The following VAMP7 variants were observed in gnomAD, a reference collection of about 807,000 sequenced individuals.
VAMP7 encodes the protein vesicle associated membrane protein 7, also known as vesicle-associated membrane protein 7.
A neutral mutation model predicts 29.6 loss-of-function variants in VAMP7; 14 were observed. The observed-to-expected ratio is 0.47, with a 90% CI of 0.31 to 0.74. The LOEUF is 0.74. Among genes scored for constraint, VAMP7 ranks in the 30% least tolerant of loss-of-function variants. The pLI, the probability that VAMP7 is intolerant of heterozygous loss-of-function variation, is 0.05. For missense variants in VAMP7, 223 were observed against 262.4 expected (o/e 0.85, Z 1.04); for synonymous variants, 95 against 88.1 (o/e 1.08, Z -0.44).
chrX:155,892,746 A>ATTATTG (rs1402377145), intron 2 of VAMP7, among the ~76,000 whole-genome samples: 1 of 150,134 alleles, frequency 6.7e-6, no homozygotes, highest in African/African-American at 2.5e-5. Flanking sequence ...ACACTGTATT[A>ATTATTG]TTATTATTAT....
At chrX:155,931,866 T>C (rs1409719173) in intron 6 of VAMP7, among the ~76,000 whole-genome samples, 1 of 152,194 alleles carries the variant, frequency 6.6e-6, no homozygotes, top group African/African-American at 2.4e-5. Context: ...CTTTAATCCA[T>C]CTTGAATTAA....
chrX:155,898,183 A>G lies in VAMP7; in HGVS notation c.276A>G (p.Ser92=), dbSNP rs763418435. The G allele has an allele frequency of 6.2e-7, 1 of 1,613,644 alleles. No homozygotes were observed. Among genetic ancestry groups the G allele is most frequent in the Non-Finnish European group, 8.5e-7 (1 of 1,179,648 alleles). The change falls in exon 4 of 8, where the codon TCA becomes TCG. Residue 92 remains serine (S), a synonymous_variant. Transcript: ENST00000286448. ...IKKRFQTTYG[S]RAQTALPYAM... The stretch of plus-strand genomic sequence containing the variant: ...AGAGGTTCCAGACTACTTACGGTTC[A>G]AGAGCACAGACAGCACTTCCATATG...
chrX:155,906,548 C>T (rs917296958), intron 5 of VAMP7, among the ~76,000 whole-genome samples: 7 of 152,112 alleles, frequency 4.6e-5, no homozygotes, highest in Non-Finnish European at 1.0e-4. Flanking sequence ...TAACATCCTT[C>T]TTGCCTTGTT....
Position 155,939,813 on chromosome X carries a change from G to A in VAMP7, c.594+20G>A. 1 of 1,564,642 alleles carries A rather than the reference G, an allele frequency of 6.4e-7. No homozygotes were observed. The highest frequency in any genetic ancestry group is 1.4e-5 in the African/African-American group (1 of 73,802). On this transcript the variant is annotated intron_variant, in intron 7 of 7. Coordinates refer to ENST00000286448, the MANE Select transcript of VAMP7 (RefSeq NM_005638.6). The stretch of plus-strand genomic sequence containing the variant: ...TCAATTGTAAGTTTTTGTCCTTTTA[G>A]TGTATGGCTTTATTTTTCAATCTCT...
chrX:155,886,550 T>G lies in VAMP7; in HGVS notation c.-9-2908T>G, dbSNP rs778338312. 4.3e-4 allele frequency among the ~76,000 whole-genome samples: 66 copies of G among 152,288 alleles called. 1 individual carries two copies. Among genetic ancestry groups the G allele is most frequent in the African/African-American group, 1.5e-3 (63 of 41,576 alleles). ...CCAGGTGACTGTACTTTATATAAAC[T>G]CAAAAACTATTGTCATGTTCCCTCT... On this transcript the variant is annotated intron_variant, in intron 1 of 7. Coordinates refer to ENST00000286448, the MANE Select transcript of VAMP7 (RefSeq NM_005638.6).
At chrX:155,920,853 T>C (rs2066385179) in intron 6 of VAMP7, among the ~76,000 whole-genome samples, 1 of 152,220 alleles carries the variant, frequency 6.6e-6, no homozygotes, top group African/African-American at 2.4e-5. Context: ...GGGACATCTA[T>C]TAGCAGCAGG....
chrX:155,923,496 C>T (rs892678145), intron 6 of VAMP7, among the ~76,000 whole-genome samples: 18 of 150,908 alleles, frequency 1.2e-4, no homozygotes, highest in African/African-American at 4.1e-4. Context: ...TCTTTTAATA[C>T]TTGATGAACG....
intron 6 of VAMP7, among the ~76,000 whole-genome samples, chrX:155,928,753 A>G (rs1009496632): frequency 2.6e-5 from 4 of 152,212 alleles, no homozygotes; most frequent in Non-Finnish European, 4.4e-5. Context: ...TTAGGGCAAC[A>G]TTTAACAATT....
At chrX:155,906,157 T>C (rs1286100366) in intron 5 of VAMP7, among the ~76,000 whole-genome samples, 1 of 152,218 alleles carries the variant, frequency 6.6e-6, no homozygotes, top group Non-Finnish European at 1.5e-5. Context: ...TCTGTTAAAC[T>C]AGGTCTCATC....
intron 3 of VAMP7, among the ~76,000 whole-genome samples, chrX:155,897,567 A>G (rs2066003315): frequency 1.3e-5 from 2 of 152,146 alleles, no homozygotes; most frequent in Admixed American, 6.6e-5. Context: ...ACATACACAC[A>G]TTCATTTTTT....
rs1332507036 is a variant in VAMP7, at chrX:155,889,508, C to T, written c.42C>T (p.Ile14=). The change falls in exon 2 of 8, where the codon ATC becomes ATT. Residue 14 remains isoleucine (I), a synonymous_variant. Transcript: ENST00000286448. ...CTGTTGTTGCCAGGGGGACCACTAT[C>T]CTTGCCAAACATGCTTGGTGTGGAG... is the stretch of plus-strand genomic sequence containing the variant. ...LFAVVARGTT[I]LAKHAWCGGN... The T allele has an allele frequency of 1.2e-6, 2 of 1,613,898 alleles. No homozygotes were observed. The highest frequency in any genetic ancestry group is 1.7e-5 in the Admixed American group (1 of 60,010).
At chrX:155,930,582 C>T (rs1361810640) in intron 6 of VAMP7, among the ~76,000 whole-genome samples, 1 of 151,044 alleles carries the variant, frequency 6.6e-6, no homozygotes, top group Non-Finnish European at 1.5e-5. Flanking sequence ...CCCAGGAATT[C>T]AGAGCTGCAG....
chrX:155,898,390 TA>T (rs112678188), intron 4 of VAMP7, 141 bp downstream of exon 4: 17,854 of 1,032,284 alleles, frequency 0.017, 270 homozygotes, highest in African/African-American at 0.087. Context: ...CTTCCCTGAT[TA>T]AAAAAAAAAT....
intron 5 of VAMP7, among the ~76,000 whole-genome samples, chrX:155,902,346 T>C (rs2066075772): frequency 6.6e-6 from 1 of 151,484 alleles, no homozygotes; most frequent in Non-Finnish European, 1.5e-5. Flanking sequence ...TTTTCCTAAT[T>C]GAATACCCTT....
At chrX:155,908,286 C>T (rs1427609171) in intron 5 of VAMP7, among the ~76,000 whole-genome samples, 2 of 152,192 alleles carry the variant, frequency 1.3e-5, no homozygotes, top group Admixed American at 6.5e-5. Context: ...ACTGAGTGAA[C>T]GAGACTCCGT....
intron 6 of VAMP7, among the ~76,000 whole-genome samples, chrX:155,936,334 T>C (rs1346903169): frequency 6.6e-6 from 1 of 152,164 alleles, no homozygotes; most frequent in Admixed American, 6.5e-5. Context: ...CCTTGAGCTG[T>C]GGTGGGCTCC....
Position 155,900,506 on chromosome X carries a change from T to A in VAMP7, c.352T>A (p.Ser118Thr). Residue 118 changes from serine to threonine, a missense_variant, in exon 5 of 8, where the codon TCT becomes ACT. Transcript: ENST00000286448. ...SVLAAQLKHH[S>T]ENKGLDKVME... is the part of the protein sequence containing the mutation. ...ACTTATTTTCTTATAGAAGCATCACTCTGAGAATAAGGGCCTAGACAAAGT... is the reference window on the plus strand; with the variant it reads ...ACTTATTTTCTTATAGAAGCATCACACTGAGAATAAGGGCCTAGACAAAGT... 6.2e-7 allele frequency: 1 copy of A among 1,608,746 alleles called. No homozygotes were observed. Among genetic ancestry groups the A allele is most frequent in the Non-Finnish European group, 8.5e-7 (1 of 1,177,186 alleles).
At chrX:155,941,755 A>T in intron 7 of VAMP7, 128 bp from the exon 8 acceptor site, 1 of 1,136,338 alleles carries the variant, frequency 8.8e-7, no homozygotes, top group East Asian at 2.6e-5. Context: ...AGTGTGTTCC[A>T]TTACTACATA....
intron 5 of VAMP7, among the ~76,000 whole-genome samples, chrX:155,908,607 T>G (rs779531876): frequency 2.3e-5 from 2 of 86,196 alleles, no homozygotes; most frequent in Non-Finnish European, 4.6e-5. Flanking sequence ...TTTCTTTTCT[T>G]GTGATGTCTT....
Sources: allele counts gnomAD v4.1 joint callset (sites outside exome capture counted in the v4.1 genomes callset), GRCh38; gene constraint gnomAD v4.1.1; transcripts MANE v1.5; gene names NCBI Gene and HGNC (gene_info 2026-07-23, HGNC 2026-07-21).